The following LYN variants were observed in gnomAD, a reference collection of about 807,000 sequenced individuals.
LYN encodes the protein LYN proto-oncogene, Src family tyrosine kinase.
In LYN, 12 loss-of-function variants were observed where a neutral mutation model predicts 65.0. The observed-to-expected ratio is 0.18, with a 90% CI of 0.12 to 0.30. The LOEUF (loss-of-function observed/expected upper bound fraction) is 0.30. Ranked by LOEUF, LYN falls within the 10% of genes least tolerant of loss-of-function variation. LYN has a pLI of 1.00. For missense variants in LYN, 380 were observed against 623.2 expected (o/e 0.61, Z 4.16); for synonymous variants, 222 against 221.2 (o/e 1.00, Z -0.03).
At chr8:55,951,900 A>G in intron 6 of LYN, 66 bp from the exon 7 acceptor site, 1 of 1,255,074 alleles carries the variant, frequency 8.0e-7, no homozygotes, top group South Asian at 1.4e-5. Context: ...TGTGTACTGC[A>G]GTTGTTGTAT....
chr8:55,977,790 G>A lies in LYN; in HGVS notation c.1050+7997G>A, dbSNP rs973315019. On this transcript the variant is annotated intron_variant, in intron 10 of 12. Coordinates refer to ENST00000519728, the MANE Select transcript of LYN (RefSeq NM_002350.4). ...AAAAAATTAGCCAGGCCTGATGGTC[G>A]TGCCTGTAATCCCAGCTACTCAGGA... Among the ~76,000 whole-genome samples the A allele has an allele frequency of 2.0e-5, 3 of 151,192 alleles. 1 individual carries two copies. The South Asian group carries it at 6.3e-4, about 32-fold the overall frequency.
intron 1 of LYN, among the ~76,000 whole-genome samples, chr8:55,912,048 C>T (rs146685499): frequency 1.6e-3 from 245 of 152,164 alleles, no homozygotes; most frequent in Admixed American, 2.1e-3. Context: ...TTTCCCTGCT[C>T]AAATGGAAGG....
intron 10 of LYN, among the ~76,000 whole-genome samples, chr8:55,986,436 A>G (rs572589280): frequency 4.4e-4 from 67 of 152,336 alleles, no homozygotes; most frequent in Non-Finnish European, 8.4e-4. Flanking sequence ...TTTTTGCAAG[A>G]GAAAGTAAAT....
chr8:55,918,194 T>G (rs977332992), intron 1 of LYN, among the ~76,000 whole-genome samples: 7 of 152,234 alleles, frequency 4.6e-5, no homozygotes, highest in Admixed American at 3.3e-4. Context: ...ACACTTTGTG[T>G]GGCTGTTTCC....
At chr8:55,920,998 G>C (rs1241980749) in intron 1 of LYN, among the ~76,000 whole-genome samples, 1 of 152,022 alleles carries the variant, frequency 6.6e-6, no homozygotes, top group Non-Finnish European at 1.5e-5. Context: ...CACCCAGCCA[G>C]GAAGATTTTT....
chr8:55,999,969 T>C (rs967550701), intron 12 of LYN, among the ~76,000 whole-genome samples: 1 of 152,100 alleles, frequency 6.6e-6, no homozygotes, highest in Admixed American at 6.5e-5. Flanking sequence ...AGACTCCATC[T>C]CGAAACAAAA....
At chr8:55,989,273 A>G (rs548444518) in intron 10 of LYN, among the ~76,000 whole-genome samples, 1 of 152,372 alleles carries the variant, frequency 6.6e-6, no homozygotes, top group East Asian at 1.9e-4. Context: ...CTAGGAAGCT[A>G]CTAAGCAGGG....
At chr8:55,906,072 C>T (rs1183174759) in intron 1 of LYN, among the ~76,000 whole-genome samples, 2 of 152,166 alleles carry the variant, frequency 1.3e-5, no homozygotes, top group East Asian at 1.9e-4. Flanking sequence ...TGTGCAGTTA[C>T]GCAGCACCTG....
At position 56,012,717 on chromosome 8, in the gene LYN, A is replaced by C. The variant is rs1585693032; in HGVS notation, c.*2607A>C. ...CTGGGCAAGAGTGAGACCCTGTCTCAAAAAAAAAAACCAAAAAAACAAAAA... is the reference window on the plus strand; with the variant it reads ...CTGGGCAAGAGTGAGACCCTGTCTCCAAAAAAAAAACCAAAAAAACAAAAA... On this transcript the variant is annotated 3_prime_UTR_variant, in exon 13 of 13. Transcript: ENST00000519728. The C allele has an allele frequency of 1.9e-5, 2 of 107,958 alleles. No individual in the cohort carries two copies. The highest frequency in any genetic ancestry group is 7.2e-5 in the African/African-American group (1 of 13,882). 6.7% of individuals were successfully genotyped at this position (107,958 alleles called of 1,614,324 possible). A position where few individuals can be genotyped will look rare whatever the true frequency, so the allele number is the denominator to read the frequency against.
chr8:56,007,774 G>A (rs1166811946), intron 12 of LYN, among the ~76,000 whole-genome samples: 1 of 152,282 alleles, frequency 6.6e-6, no homozygotes, highest in East Asian at 1.9e-4. Flanking sequence ...TTTCCTATGT[G>A]CAGTGCTTTC....
chr8:55,998,324 G>A (rs371992032), intron 10 of LYN, 22 bp from the exon 11 acceptor site: 1 of 1,596,846 alleles, frequency 6.3e-7, no homozygotes, highest in Non-Finnish European at 8.6e-7. Flanking sequence ...ATATGAAAAT[G>A]GGAGCCTATT....
chr8:55,952,093 C>A lies in LYN; in HGVS notation c.615C>A (p.Ser205Arg), dbSNP rs147376208. ...ISPRITFPCI[S>R]DMIKHYQKQA... ...CACGAATCACTTTTCCCTGTATCAG[C>A]GACATGATTAAACATTACCAAAGTA... Residue 205 changes from serine (S) to arginine (R), a missense_variant, in exon 7 of 13, where the codon AGC (serine) becomes AGA (arginine). This residue lies in a region of LYN where 223 missense variants were observed against 430.0 expected (regional missense o/e 0.52). Transcript: ENST00000519728. The A allele has an allele frequency of 6.3e-7, 1 of 1,594,902 alleles. No homozygotes were observed. Among genetic ancestry groups the A allele is most frequent in the African/African-American group, 1.4e-5 (1 of 73,592 alleles).
chr8:55,952,152 A>T, intron 7 of LYN, 37 bp downstream of exon 7: 1 of 1,527,190 alleles, frequency 6.5e-7, no homozygotes, highest in Non-Finnish European at 8.8e-7. Context: ...GACAAGATAT[A>T]TTTGTTATGA....
chr8:55,988,428 G>A (rs1171605015), intron 10 of LYN, among the ~76,000 whole-genome samples: 2 of 151,934 alleles, frequency 1.3e-5, no homozygotes, highest in African/African-American at 4.8e-5. Context: ...CCTTTAGAGA[G>A]ACTGTAGGTT....
chr8:55,967,693 A>G (rs1807502904), intron 9 of LYN, among the ~76,000 whole-genome samples: 1 of 152,172 alleles, frequency 6.6e-6, no homozygotes, highest in Non-Finnish European at 1.5e-5. Context: ...TTAAATATTA[A>G]TGTTTTTTAA....
At chr8:55,904,417 T>C (rs1805363390) in intron 1 of LYN, among the ~76,000 whole-genome samples, 1 of 152,212 alleles carries the variant, frequency 6.6e-6, no homozygotes, top group African/African-American at 2.4e-5. Context: ...TGGGTTCTAT[T>C]TGTCAATCAC....
At chr8:56,001,346 G>A (rs1340744247) in intron 12 of LYN, among the ~76,000 whole-genome samples, 1 of 152,196 alleles carries the variant, frequency 6.6e-6, no homozygotes, top group African/African-American at 2.4e-5. Context: ...AGTGGCTCAG[G>A]GAGAGACTTA....
chr8:55,891,363 A>T (rs1308077859), intron 1 of LYN, among the ~76,000 whole-genome samples: 42 of 152,230 alleles, frequency 2.8e-4, no homozygotes, highest in African/African-American at 8.9e-4. Context: ...AAAAAAAAAA[A>T]AAAGGAAATG....
intron 12 of LYN, among the ~76,000 whole-genome samples, chr8:56,005,526 G>A (rs117467890): frequency 0.015 from 2,274 of 152,294 alleles, 57 homozygotes; most frequent in African/African-American, 0.046. Context: ...GGGATGGGCC[G>A]CCTTGCCCGT....
Sources: allele counts gnomAD v4.1 joint callset (sites outside exome capture counted in the v4.1 genomes callset), GRCh38; gene constraint gnomAD v4.1.1; regional missense constraint gnomAD v4.1.1; transcripts MANE v1.5; gene names NCBI Gene and HGNC (gene_info 2026-07-23, HGNC 2026-07-21).